The following TMEM123 variants were observed in gnomAD, a reference collection of about 807,000 sequenced individuals.
The protein encoded by TMEM123 is transmembrane protein 123.
Under a neutral mutation model 19.7 loss-of-function variants are expected in TMEM123, and 16 were observed. The ratio of observed to expected loss-of-function variants is 0.81; its 90% confidence interval spans 0.55 to 1.23. The LOEUF (loss-of-function observed/expected upper bound fraction) is 1.23, where lower values mean the gene tolerates loss of function less well. Ranked by LOEUF, TMEM123 falls within the 50% of genes most tolerant of loss-of-function variation. The pLI is 0.00. For synonymous variants in TMEM123, 118 were observed against 99.4 expected (o/e 1.19, Z -1.12); for missense variants, 313 against 257.8 (o/e 1.21, Z -1.47).
intron 2 of TMEM123, among the ~76,000 whole-genome samples, chr11:102,416,586 T>C (rs1225542135): frequency 6.6e-6 from 1 of 151,736 alleles, no homozygotes; most frequent in Non-Finnish European, 1.5e-5. Context: ...ACCAGACATA[T>C]ATTAATAAAA....
chr11:102,436,202 G>A (rs1857760871), intron 2 of TMEM123, among the ~76,000 whole-genome samples: 1 of 151,770 alleles, frequency 6.6e-6, no homozygotes, highest in African/African-American at 2.4e-5. Context: ...TCCCACTATT[G>A]CCCAGGCTGC....
intron 2 of TMEM123, among the ~76,000 whole-genome samples, chr11:102,418,708 G>A (rs1243597087): frequency 2.0e-5 from 3 of 152,122 alleles, no homozygotes; most frequent in East Asian, 3.9e-4. Context: ...GCACACATAC[G>A]TTAACTGCAG....
At chr11:102,431,773 T>C (rs144901808) in intron 2 of TMEM123, among the ~76,000 whole-genome samples, 2 of 152,310 alleles carry the variant, frequency 1.3e-5, no homozygotes, top group East Asian at 3.9e-4. Context: ...TCATCTTGAA[T>C]TGTAATCCCC....
chr11:102,413,725 G>A (rs1952022706), intron 2 of TMEM123, among the ~76,000 whole-genome samples: 2 of 152,130 alleles, frequency 1.3e-5, no homozygotes. Flanking sequence ...AAAAGCAAAA[G>A]CCTCAAAGGA....
At chr11:102,420,802 C>A (rs907149848) in intron 2 of TMEM123, among the ~76,000 whole-genome samples, 10 of 152,286 alleles carry the variant, frequency 6.6e-5, no homozygotes, top group Admixed American at 5.2e-4. Context: ...TGGTGGCTCA[C>A]TTTGGGAGGC....
At chr11:102,424,502 C>T (rs952403435) in intron 2 of TMEM123, among the ~76,000 whole-genome samples, 1 of 152,134 alleles carries the variant, frequency 6.6e-6, no homozygotes, top group Non-Finnish European at 1.5e-5. Context: ...GCCTGGCCAA[C>T]ATGGCAAAAC....
chr11:102,448,734 T>C, intron 2 of TMEM123, 78 bp downstream of exon 2: 4 of 1,417,730 alleles, frequency 2.8e-6, no homozygotes, highest in Non-Finnish European at 4.0e-6. Context: ...AACCAGCTTA[T>C]GCCTACTTCC....
At chr11:102,425,516 G>A (rs923839635) in intron 2 of TMEM123, among the ~76,000 whole-genome samples, 7 of 149,900 alleles carry the variant, frequency 4.7e-5, no homozygotes, top group African/African-American at 1.5e-4. Flanking sequence ...ATCTATCAAT[G>A]CCACATCCAC....
At chr11:102,440,218 GAGA>G (rs1187724633) in intron 2 of TMEM123, among the ~76,000 whole-genome samples, 1 of 152,118 alleles carries the variant, frequency 6.6e-6, no homozygotes, top group Non-Finnish European at 1.5e-5. Context: ...GATACTCCTC[GAGA>G]AGAACAACTC....
intron 2 of TMEM123, among the ~76,000 whole-genome samples, chr11:102,407,902 A>C (rs1436100343): frequency 1.3e-5 from 2 of 152,224 alleles, no homozygotes; most frequent in African/African-American, 4.8e-5. Context: ...AAGCAAATTA[A>C]TACACTCAGC....
At chr11:102,420,871 A>C (rs2135852191) in intron 2 of TMEM123, among the ~76,000 whole-genome samples, 1 of 152,274 alleles carries the variant, frequency 6.6e-6, no homozygotes, top group Non-Finnish European at 1.5e-5. Flanking sequence ...AACATGGTGA[A>C]ACCCTGTCTC....
At position 102,398,338 on chromosome 11, in the gene TMEM123, T is replaced by G; in HGVS notation, c.*529A>C. ...TGTTTCTAGACCAACTACTACAGTT[T>G]AAAGCACAAAAAATGTTGATGTTTT... is the stretch of plus-strand genomic sequence containing the variant. On this transcript the variant is annotated 3_prime_UTR_variant, in exon 5 of 5. Coordinates refer to ENST00000398136, the MANE Select transcript of TMEM123 (RefSeq NM_052932.3). 2.7e-6 allele frequency: 1 copy of G among 371,270 alleles called. No homozygotes were observed. The highest frequency in any genetic ancestry group is 4.8e-6 in the Non-Finnish European group (1 of 209,644). The allele number at this position is 371,270 out of a possible 1,614,324, so 23.0% of individuals were successfully genotyped here.
intron 2 of TMEM123, among the ~76,000 whole-genome samples, chr11:102,443,920 A>G (rs1048375759): frequency 2.0e-5 from 3 of 152,206 alleles, no homozygotes; most frequent in Non-Finnish European, 4.4e-5. Flanking sequence ...AAAGACATTT[A>G]GGTAGCCAAC....
At chr11:102,442,031 T>A (rs1336072226) in intron 2 of TMEM123, among the ~76,000 whole-genome samples, 1 of 152,052 alleles carries the variant, frequency 6.6e-6, no homozygotes, top group African/African-American at 2.4e-5. Flanking sequence ...TAGACCAATA[T>A]CAGGCTCTGA....
intron 2 of TMEM123, among the ~76,000 whole-genome samples, chr11:102,428,458 C>T (rs1228576191): frequency 6.6e-6 from 1 of 151,482 alleles, no homozygotes; most frequent in Non-Finnish European, 1.5e-5. Flanking sequence ...CCTGCCACCA[C>T]ACCCAGCTTT....
At chr11:102,419,250 G>GTTCA (rs1261409738) in intron 2 of TMEM123, among the ~76,000 whole-genome samples, 4 of 152,178 alleles carry the variant, frequency 2.6e-5, no homozygotes, top group South Asian at 2.1e-4. Flanking sequence ...TACTAAAAAC[G>GTTCA]TTCATTCATT....
intron 2 of TMEM123, 38 bp from the exon 3 acceptor site, chr11:102,402,244 G>A: frequency 6.3e-7 from 1 of 1,591,462 alleles, no homozygotes. Context: ...CCAGAGCTAT[G>A]ATTTAGGGAA....
In TMEM123 at chr11:102,401,538, C is replaced by T; in HGVS notation, c.602+1G>A. Reference sequence around the variant, plus strand: ...AAAAGTCCTGGCCATTCAAAACTTACATGGTTCGATACCGAATGCCTCTTC... The same window carrying T: ...AAAAGTCCTGGCCATTCAAAACTTATATGGTTCGATACCGAATGCCTCTTC... On this transcript the variant is annotated splice_donor_variant, in intron 4 of 4. Transcript: ENST00000398136. LOFTEE classifies it high-confidence loss of function. 2 of 1,562,018 alleles carry T rather than the reference C, an allele frequency of 1.3e-6. No individual in the cohort carries two copies. The highest frequency in any genetic ancestry group is 1.7e-6 in the Non-Finnish European group (2 of 1,163,934).
intron 2 of TMEM123, among the ~76,000 whole-genome samples, chr11:102,426,127 C>T (rs1043424658): frequency 2.6e-5 from 4 of 152,178 alleles, no homozygotes; most frequent in African/African-American, 9.6e-5. Flanking sequence ...AATGAAATAT[C>T]AGTCTTAGGT....
Sources: allele counts gnomAD v4.1 joint callset (sites outside exome capture counted in the v4.1 genomes callset), GRCh38; gene constraint gnomAD v4.1.1; transcripts MANE v1.5; gene names NCBI Gene and HGNC (gene_info 2026-07-23, HGNC 2026-07-21).